The following RXRA variants were observed in gnomAD, a reference collection of about 807,000 sequenced individuals.
RXRA encodes the protein retinoic acid receptor RXR-alpha.
A neutral mutation model predicts 44.5 loss-of-function variants in RXRA; 5 were observed. That is an observed-to-expected ratio of 0.11 (90% CI 0.06 to 0.24). The LOEUF is 0.24. RXRA is among the 10% of genes least tolerant of loss of function. The pLI, the probability that RXRA is intolerant of heterozygous loss-of-function variation, is 1.00. For missense variants in RXRA, 412 were observed against 646.5 expected (o/e 0.64, Z 3.93); for synonymous variants, 291 against 271.4 (o/e 1.07, Z -0.71).
At chr9:134,358,008 A>G (rs1236990819) in intron 1 of RXRA, among the ~76,000 whole-genome samples, 1 of 152,180 alleles carries the variant, frequency 6.6e-6, no homozygotes, top group East Asian at 1.9e-4. Context: ...ACATGGGATG[A>G]GAGGCGTACC....
intron 4 of RXRA, among the ~76,000 whole-genome samples, chr9:134,411,745 G>A (rs867256436): frequency 2.6e-5 from 4 of 152,230 alleles, no homozygotes; most frequent in South Asian, 2.1e-4. Context: ...ACTCAGCCTC[G>A]GTGTGGAGGG....
At position 134,417,242 on chromosome 9, in the gene RXRA, T is replaced by C. The variant is rs1159256566; in HGVS notation, c.695T>C (p.Val232Ala). ...STSSANEDMP[V>A]ERILEAELAV... is the part of the protein sequence containing the mutation. ...AGCAGCGCCAACGAGGACATGCCGG[T>C]GGAGAGGATCCTGGAGGCTGAGCTG... The change falls in exon 5 of 10, where the codon GTG (valine) becomes GCG (alanine). Residue 232 changes from valine (V) to alanine (A), a missense_variant. Val to Ala is a moderately conservative substitution (Grantham distance 64). Coordinates refer to ENST00000481739, the MANE Select transcript of RXRA (RefSeq NM_002957.6). This position sits in a 1 kb window ranked among gnomAD's most constrained non-coding sequence, Gnocchi z 6.1. 2.5e-6 allele frequency: 4 copies of C among 1,613,784 alleles called. No individual in the cohort carries two copies. The highest frequency in any genetic ancestry group is 1.3e-5 in the African/African-American group (1 of 75,036).
At chr9:134,425,760 G>A (rs996233714) in intron 6 of RXRA, 218 of 985,324 alleles carry the variant, frequency 2.2e-4, no homozygotes, top group Non-Finnish European at 2.5e-4. Flanking sequence ...TGTCACTGCC[G>A]CCCTGGGACG....
rs1318299321 is a variant in RXRA, at chr9:134,417,035, G to A, written c.611-123G>A. On this transcript the variant is annotated intron_variant, in intron 4 of 9. Transcript: ENST00000481739. This position sits in a 1 kb window ranked among gnomAD's most constrained non-coding sequence, Gnocchi z 6.1. ...GATGGGGTCTCCATCACCCAGTGCT[G>A]GTGGGGATGCTGGTGTTGTGGGTGA... 1.8e-5 allele frequency: 18 copies of A among 1,018,320 alleles called. No individual in the cohort carries two copies. The highest frequency in any genetic ancestry group is 2.6e-5 in the Non-Finnish European group (18 of 697,228). The allele number at this position is 1,018,320 out of a possible 1,614,324, so 63.1% of individuals were successfully genotyped here. A position where few individuals can be genotyped will look rare whatever the true frequency, so the allele number is the denominator to read the frequency against.
intron 1 of RXRA, chr9:134,379,755 C>T (rs1830613796): frequency 4.1e-6 from 4 of 985,308 alleles, no homozygotes; most frequent in Non-Finnish European, 4.8e-6. Context: ...CCCTCTGTGC[C>T]TGTGGTCTGT....
chr9:134,368,586 C>T (rs765737323), intron 1 of RXRA, among the ~76,000 whole-genome samples: 1 of 151,332 alleles, frequency 6.6e-6, no homozygotes, highest in Non-Finnish European at 1.5e-5. Flanking sequence ...GTATGTGTGA[C>T]TGTAGGTGAC....
At chr9:134,339,803 G>A (rs1367463900) in intron 1 of RXRA, among the ~76,000 whole-genome samples, 6 of 148,648 alleles carry the variant, frequency 4.0e-5, no homozygotes, top group Non-Finnish European at 8.9e-5. Flanking sequence ...GTATGAGTCT[G>A]TGTGTAAGCC....
intron 1 of RXRA, among the ~76,000 whole-genome samples, chr9:134,341,439 G>A (rs556483028): frequency 1.3e-5 from 2 of 152,296 alleles, no homozygotes; most frequent in African/African-American, 4.8e-5. Flanking sequence ...CTGCTGGCTG[G>A]GGAGGGGCCT....
Position 134,343,952 on chromosome 9 carries a change from G to T in RXRA, c.28+17293G>T, listed in dbSNP as rs1157701109. Among the ~76,000 whole-genome samples the T allele has an allele frequency of 6.6e-6, 1 of 152,148 alleles. No individual in the cohort carries two copies. The highest frequency in any genetic ancestry group is 2.4e-5 in the African/African-American group (1 of 41,432). ...CAGTGGGGTGGGCATCTCCCCATAG[G>T]CCCTCCCCACAGGATGCAGCCCTTC... On this transcript the variant is annotated intron_variant, in intron 1 of 9. Coordinates refer to ENST00000481739, the MANE Select transcript of RXRA (RefSeq NM_002957.6). This position sits in a 1 kb window ranked among gnomAD's most constrained non-coding sequence, Gnocchi z 4.1.
chr9:134,416,870 C>T lies in RXRA; in HGVS notation c.611-288C>T, dbSNP rs34156324. ...GTCCATAGACCGTCAGGACCTTTCT[C>T]GCCCCATGTTGGGGTCCCTGCTGCA... On this transcript the variant is annotated intron_variant, in intron 4 of 9. Transcript: ENST00000481739. Among the ~76,000 whole-genome samples, 809 of 152,312 alleles carry T rather than the reference C, an allele frequency of 5.3e-3. 6 individuals carry two copies. The highest frequency in any genetic ancestry group is 0.018 in the African/African-American group (754 of 41,552).
chr9:134,387,588 T>G (rs1231008141), intron 1 of RXRA, among the ~76,000 whole-genome samples: 1 of 152,238 alleles, frequency 6.6e-6, no homozygotes, highest in African/African-American at 2.4e-5. Context: ...GGGAGCCACT[T>G]GGTTTTGGAG....
chr9:134,379,029 A>G (rs995552121), intron 1 of RXRA, among the ~76,000 whole-genome samples: 3 of 152,098 alleles, frequency 2.0e-5, no homozygotes, highest in African/African-American at 7.2e-5. Context: ...GCCGCCACCC[A>G]TTTGTCAGTC....
At chr9:134,363,376 G>C (rs1477240142) in intron 1 of RXRA, among the ~76,000 whole-genome samples, 1 of 152,260 alleles carries the variant, frequency 6.6e-6, no homozygotes, top group East Asian at 1.9e-4. Context: ...TGAGCAGCGG[G>C]AGGTGGGAAG....
At chr9:134,425,368 T>G in intron 6 of RXRA, 1 of 985,182 alleles carries the variant, frequency 1.0e-6, no homozygotes, top group South Asian at 4.7e-5. Flanking sequence ...CTTGTGTTTG[T>G]CAGATGAGTA....
rs552511536 is a variant in RXRA at position 134,417,294 on chromosome 9, C to T, written c.747C>T (p.Tyr249=). ...CCGTGGAGCCCAAGACCGAGACCTACGTGGAGGCAAACATGGGGCTGAACC... is the reference window on the plus strand; with the variant it reads ...CCGTGGAGCCCAAGACCGAGACCTATGTGGAGGCAAACATGGGGCTGAACC... ...ELAVEPKTET[Y]VEANMGLNPS... is the part of the protein sequence containing the mutation. Residue 249 remains tyrosine (Y), a synonymous_variant, in exon 5 of 10, where the codon TAC becomes TAT. Coordinates refer to ENST00000481739, the MANE Select transcript of RXRA (RefSeq NM_002957.6). This position sits in a 1 kb window ranked among gnomAD's most constrained non-coding sequence, Gnocchi z 6.1. The T allele has an allele frequency of 8.1e-6, 13 of 1,613,806 alleles. No homozygotes were observed. The highest frequency in any genetic ancestry group is 1.3e-5 in the African/African-American group (1 of 75,048).
rs1235855026 is a variant in RXRA, at chr9:134,437,121, G to T, written c.*507G>T. The T allele has an allele frequency of 6.2e-6, 1 of 161,730 alleles. No individual in the cohort carries two copies. The allele number at this position is 161,730 out of a possible 1,614,324, so 10.0% of individuals were successfully genotyped here. A position where few individuals can be genotyped will look rare whatever the true frequency, so the allele number is the denominator to read the frequency against. ...CCCCTAATCAGGAGGGGACAGCTGGGGGCGCAAGCTGGTGTGTCATCAGCA... is the reference window on the plus strand; with the variant it reads ...CCCCTAATCAGGAGGGGACAGCTGGTGGCGCAAGCTGGTGTGTCATCAGCA... On this transcript the variant is annotated 3_prime_UTR_variant, in exon 10 of 10. Transcript: ENST00000481739.
chr9:134,372,952 G>A (rs183201341), intron 1 of RXRA, among the ~76,000 whole-genome samples: 165 of 152,324 alleles, frequency 1.1e-3, no homozygotes, highest in African/African-American at 3.5e-3. Context: ...GCAGAGCTGC[G>A]GTAGGCCAGA....
chr9:134,396,513 C>G (rs1048967576), intron 1 of RXRA, among the ~76,000 whole-genome samples: 1 of 151,874 alleles, frequency 6.6e-6, no homozygotes, highest in Non-Finnish European at 1.5e-5. Flanking sequence ...CAGTTCCGGG[C>G]GGGGGGGTCC....
At chr9:134,384,184 C>G (rs905060209) in intron 1 of RXRA, among the ~76,000 whole-genome samples, 6 of 152,034 alleles carry the variant, frequency 3.9e-5, no homozygotes, top group African/African-American at 1.4e-4. Flanking sequence ...CAGTGTCACC[C>G]CGGTTGGGGG....
Sources: allele counts gnomAD v4.1 joint callset (sites outside exome capture counted in the v4.1 genomes callset), GRCh38; gene constraint gnomAD v4.1.1; non-coding constraint Gnocchi (gnomAD v3.1); transcripts MANE v1.5; gene names NCBI Gene and HGNC (gene_info 2026-07-23, HGNC 2026-07-21).